EHBP1L1: variants seen among roughly 807,000 people sequenced by gnomAD.
EHBP1L1 encodes EH domain binding protein 1 like 1, also known as EH domain-binding protein 1-like protein 1.
Under a neutral mutation model 151.1 loss-of-function variants are expected in EHBP1L1, and 122 were observed. That is an observed-to-expected ratio of 0.81 (90% CI 0.70 to 0.94). The LOEUF is 0.94. Ranked by LOEUF, EHBP1L1 falls within the 40% of genes least tolerant of loss-of-function variation. The pLI is 0.00. For synonymous variants in EHBP1L1, 878 were observed against 810.1 expected (o/e 1.08, Z -1.42); for missense variants, 1,941 against 1,959.8 (o/e 0.99, Z 0.18).
Position 65,582,789 on chromosome 11 carries a change from TG to T in EHBP1L1, c.2119del (p.Glu707LysfsTer18), listed in dbSNP as rs1179942152. The stretch of plus-strand genomic sequence containing the variant: ...ATGCTGGGGACCCAGGAGACAGAGG[TG>T]GAAGCTTCTAGGGTACCAGAGTCAG... ...SEMLGTQETEVEASRVPESEA... is the reference protein window; with the variant it reads ...SEMLGTQETEXEASRVPESEA... On this transcript the variant is annotated frameshift_variant, in exon 9 of 19. Transcript: ENST00000309295. LOFTEE classifies it high-confidence loss of function. 1.2e-6 allele frequency: 2 copies of T among 1,613,154 alleles called. No homozygotes were observed. The highest frequency in any genetic ancestry group is 3.3e-5 in the Admixed American group (2 of 59,978).
chr11:65,581,972 C>T lies in EHBP1L1; in HGVS notation c.1300C>T (p.His434Tyr), dbSNP rs954286034. 4 of 1,613,816 alleles carry T rather than the reference C, an allele frequency of 2.5e-6. No homozygotes were observed. The highest frequency in any genetic ancestry group is 3.4e-6 in the Non-Finnish European group (4 of 1,179,860). ...TGCTGAGCAGAGGTCAAAGGTGAGA[C>T]ATGTGGACACTAAGGGACCAGAGGC... ...VDAEQRSKVR[H>Y]VDTKGPEATG... Residue 434 changes from histidine (H) to tyrosine (Y), a missense_variant, in exon 9 of 19, where the codon CAT (histidine) becomes TAT (tyrosine). By Grantham distance (83) the His-to-Tyr change is moderately conservative. Transcript: ENST00000309295.
Position 65,581,524 on chromosome 11 carries a change from C to T in EHBP1L1, c.867-15C>T, listed in dbSNP as rs926079673. ...CAAAGCAGCCCCCCAACTCCCCCTC[C>T]TGCTCTCTTCTCAGGTCTTCAAGGC... On this transcript the variant is annotated splice_polypyrimidine_tract_variant and intron_variant, in intron 8 of 18. Coordinates refer to ENST00000309295, the MANE Select transcript of EHBP1L1 (RefSeq NM_001099409.3). 1 of 1,476,616 alleles carries T rather than the reference C, an allele frequency of 6.8e-7. No individual in the cohort carries two copies. The highest frequency in any genetic ancestry group is 9.0e-7 in the Non-Finnish European group (1 of 1,112,936). 91.5% of individuals were successfully genotyped at this position (1,476,616 alleles called of 1,614,324 possible). A position where few individuals can be genotyped will look rare whatever the true frequency, so the allele number is the denominator to read the frequency against.
Position 65,580,069 on chromosome 11 carries a change from C to T in EHBP1L1, c.313-12C>T, listed in dbSNP as rs1276340378. ...TGATGCCCCTTCTCCTGGTCTCTCC[C>T]CTGGCCCACAGGAGTCTAAGGGGCA... is the stretch of plus-strand genomic sequence containing the variant. On this transcript the variant is annotated splice_polypyrimidine_tract_variant and intron_variant, in intron 4 of 18. Coordinates refer to ENST00000309295, the MANE Select transcript of EHBP1L1 (RefSeq NM_001099409.3). The T allele has an allele frequency of 8.7e-6, 14 of 1,612,368 alleles. No individual in the cohort carries two copies. The highest frequency in any genetic ancestry group is 1.7e-5 in the Admixed American group (1 of 59,932).
rs1857894008 is a variant in EHBP1L1, at chr11:65,585,213, CG to C, written c.3559del (p.Ala1187ProfsTer54). The part of the protein sequence containing the change: ...GGLAQRLRGH[G>X]AEGPQEPKEA... The stretch of plus-strand genomic sequence containing the variant: ...GCCTGGCGCAGCGGCTGCGCGGTCA[CG>C]GGGCCGAGGGGCCCCAGGAGCCCAA... On this transcript the variant is annotated frameshift_variant, in exon 12 of 19. Transcript: ENST00000309295. LOFTEE classifies it high-confidence loss of function. This position sits in a 1 kb window ranked among gnomAD's most constrained non-coding sequence, Gnocchi z 4.0. 1.7e-6 allele frequency: 2 copies of C among 1,158,168 alleles called. No individual in the cohort carries two copies. The highest frequency in any genetic ancestry group is 5.0e-5 in the Admixed American group (1 of 20,022). The allele number at this position is 1,158,168 out of a possible 1,614,324, so 71.7% of individuals were successfully genotyped here. A position where few individuals can be genotyped will look rare whatever the true frequency, so the allele number is the denominator to read the frequency against.
In EHBP1L1 at chr11:65,576,257, G is replaced by C. The variant is rs1305265509; in HGVS notation, c.-46G>C. 3.3e-6 allele frequency: 5 copies of C among 1,514,402 alleles called. No homozygotes were observed. In the African/African-American group the frequency reaches 7.0e-5, roughly 21 times the overall value. 93.8% of individuals were successfully genotyped at this position (1,514,402 alleles called of 1,614,324 possible). A position where few individuals can be genotyped will look rare whatever the true frequency, so the allele number is the denominator to read the frequency against. Reference sequence around the variant, plus strand: ...GGGCCGGGCCAGCGGTGGCGGGCCAGCGGGAGCCCCGGGCCTGAGAAGTGG... The same window carrying C: ...GGGCCGGGCCAGCGGTGGCGGGCCACCGGGAGCCCCGGGCCTGAGAAGTGG... On this transcript the variant is annotated 5_prime_UTR_variant, in exon 1 of 19. Transcript: ENST00000309295.
Position 65,585,599 on chromosome 11 carries a change from T to A in EHBP1L1, c.3933+8T>A. The A allele has an allele frequency of 6.4e-7, 1 of 1,566,098 alleles. No individual in the cohort carries two copies. Among genetic ancestry groups the A allele is most frequent in the Non-Finnish European group, 8.6e-7 (1 of 1,163,430 alleles). ...ATGGGAGCTGCGGCTGCAGTGAGTGTCAAGGTCCTTCTTTCTTCCCCCGCC... is the reference window on the plus strand; with the variant it reads ...ATGGGAGCTGCGGCTGCAGTGAGTGACAAGGTCCTTCTTTCTTCCCCCGCC... On this transcript the variant is annotated splice_region_variant and intron_variant, in intron 12 of 18. Coordinates refer to ENST00000309295, the MANE Select transcript of EHBP1L1 (RefSeq NM_001099409.3). This position sits in a 1 kb window ranked among gnomAD's most constrained non-coding sequence, Gnocchi z 4.0.
intron 12 of EHBP1L1, among the ~76,000 whole-genome samples, chr11:65,588,284 T>C (rs953273322): frequency 1.3e-5 from 2 of 152,064 alleles, no homozygotes; most frequent in Non-Finnish European, 1.5e-5. Context: ...GAAAGCTATT[T>C]TGGGAACTGA....
intron 11 of EHBP1L1, 50 bp from the exon 12 acceptor site, chr11:65,584,883 CGTGGGGCGGCACTGCAGCGTTGCCGG>C (rs1857851249): frequency 6.7e-7 from 1 of 1,494,230 alleles, no homozygotes; most frequent in African/African-American, 1.4e-5. Context: ...GGACCCCCTC[CGTGGGGCGGCACTGCAGCGTTGCCGG>C]GTGGCGCGGG....
intron 12 of EHBP1L1, among the ~76,000 whole-genome samples, chr11:65,587,594 G>A (rs1858040364): frequency 6.6e-6 from 1 of 152,186 alleles, no homozygotes; most frequent in African/African-American, 2.4e-5. Flanking sequence ...CCCCCTGCAA[G>A]TTGCTGTCAA....
intron 16 of EHBP1L1, 120 bp downstream of exon 16, chr11:65,590,712 C>A: frequency 1.1e-6 from 1 of 927,208 alleles, no homozygotes; most frequent in Non-Finnish European, 1.6e-6. Flanking sequence ...TTCCATCTTA[C>A]TGTTTTTGTC....
chr11:65,580,851 C>G, intron 6 of EHBP1L1: 2 of 1,301,542 alleles, frequency 1.5e-6, no homozygotes, highest in Non-Finnish European at 2.0e-6. Context: ...TGCTGCTTGT[C>G]CAGGCTTTTT....
At position 65,581,606 on chromosome 11, in the gene EHBP1L1, GC is replaced by G; in HGVS notation, c.937del (p.Leu313SerfsTer120). ...PAPRLRKGSD[A>X]LRPPVPQGED... ...CCCTCGGCTCCGGAAAGGCTCTGAT[GC>G]CCTCCGGCCCCCAGTCCCCCAGGGG... On this transcript the variant is annotated frameshift_variant, in exon 9 of 19. Transcript: ENST00000309295. LOFTEE classifies it high-confidence loss of function. 1 of 1,526,428 alleles carries G rather than the reference GC, an allele frequency of 6.6e-7. No individual in the cohort carries two copies. Among genetic ancestry groups the G allele is most frequent in the Non-Finnish European group, 8.8e-7 (1 of 1,136,522 alleles). The allele number at this position is 1,526,428 out of a possible 1,614,324, so 94.6% of individuals were successfully genotyped here. A position where few individuals can be genotyped will look rare whatever the true frequency, so the allele number is the denominator to read the frequency against.
At chr11:65,583,846 C>T in intron 9 of EHBP1L1, 81 bp downstream of exon 9, 1 of 1,430,526 alleles carries the variant, frequency 7.0e-7, no homozygotes. Context: ...CTGCATGGAC[C>T]CACCTGGTGG....
Position 65,582,539 on chromosome 11 carries a change from G to T in EHBP1L1, c.1867G>T (p.Ala623Ser), listed in dbSNP as rs568469996. The change falls in exon 9 of 19, where the codon GCT (alanine) becomes TCT (serine). Residue 623 changes from alanine to serine, a missense_variant. Coordinates refer to ENST00000309295, the MANE Select transcript of EHBP1L1 (RefSeq NM_001099409.3). ...ARSRVLESEV[A>S]GTAQCEGLET... ...ATCAAGGGTCCTGGAGTCAGAGGTT[G>T]CTGGGACAGCACAGTGTGAGGGACT... 6 of 1,613,474 alleles carry T rather than the reference G, an allele frequency of 3.7e-6. No homozygotes were observed. In the Admixed American group the frequency reaches 6.7e-5, roughly 18 times the overall value.
intron 7 of EHBP1L1, 36 bp from the exon 8 acceptor site, chr11:65,581,173 CTG>C: frequency 6.2e-7 from 1 of 1,611,478 alleles, no homozygotes; most frequent in Non-Finnish European, 8.5e-7. Flanking sequence ...CCCCAGGTCA[CTG>C]GGCCCAGGCC....
At chr11:65,587,867 C>T (rs553117144) in intron 12 of EHBP1L1, among the ~76,000 whole-genome samples, 36 of 152,146 alleles carry the variant, frequency 2.4e-4, no homozygotes, top group Non-Finnish European at 4.6e-4. Flanking sequence ...TGGGGAGGGT[C>T]GTGGTCCCTG....
intron 1 of EHBP1L1, 76 bp downstream of exon 1, chr11:65,576,482 C>T (rs1857331419): frequency 1.5e-6 from 2 of 1,358,192 alleles, no homozygotes; most frequent in South Asian, 2.7e-5. Context: ...TGAGAGGACT[C>T]TGCCCCCCCA....
Position 65,583,087 on chromosome 11 carries a change from G to T in EHBP1L1, c.2415G>T (p.Glu805Asp). ...AGGTGAAAGAGGTTGGGGGTTCAGA[G>T]GTTCCAGAGATAGCGACTGGGACAG... ...GIQVKEVGGS[E>D]VPEIATGTAE... is the part of the protein sequence containing the mutation. The change falls in exon 9 of 19, where the codon GAG becomes GAT. Residue 805 changes from glutamate to aspartate, a missense_variant. Physicochemically the swap from Glu to Asp is conservative, Grantham distance 45 (BLOSUM62 2). Transcript: ENST00000309295. The T allele has an allele frequency of 6.2e-7, 1 of 1,613,476 alleles. No individual in the cohort carries two copies. The highest frequency in any genetic ancestry group is 8.5e-7 in the Non-Finnish European group (1 of 1,179,772).
In EHBP1L1 at chr11:65,590,518, G is replaced by A. The variant is rs1046706399; in HGVS notation, c.4209G>A (p.Val1403=). 2 of 1,613,488 alleles carry A rather than the reference G, an allele frequency of 1.2e-6. No individual in the cohort carries two copies. The highest frequency in any genetic ancestry group is 1.7e-5 in the Admixed American group (1 of 60,008). The change falls in exon 16 of 19, where the codon GTG becomes GTA. Residue 1403 remains valine, a synonymous_variant. Coordinates refer to ENST00000309295, the MANE Select transcript of EHBP1L1 (RefSeq NM_001099409.3). ...ESGANKLQEE[V]LIQEWFTLVN... is the part of the protein sequence containing the mutation. ...GTGCCAACAAGCTGCAGGAGGAGGT[G>A]CTGATCCAGGAGTGGTTCACCCTGG... is the stretch of plus-strand genomic sequence containing the variant.
Sources: allele counts gnomAD v4.1 joint callset (sites outside exome capture counted in the v4.1 genomes callset), GRCh38; gene constraint gnomAD v4.1.1; non-coding constraint Gnocchi (gnomAD v3.1); transcripts MANE v1.5; gene names NCBI Gene and HGNC (gene_info 2026-07-23, HGNC 2026-07-21).